CREBRF: variants seen among roughly 807,000 people sequenced by gnomAD.
The protein encoded by CREBRF is CREB3 regulatory factor.
A neutral mutation model predicts 66.1 loss-of-function variants in CREBRF; 5 were observed. The ratio of observed to expected loss-of-function variants is 0.08; its 90% confidence interval spans 0.04 to 0.16. The LOEUF (loss-of-function observed/expected upper bound fraction) is 0.16, where lower values mean the gene tolerates loss of function less well. Among genes scored for constraint, CREBRF ranks in the 10% least tolerant of loss-of-function variants. CREBRF has a pLI of 1.00. For missense variants in CREBRF, 531 were observed against 744.9 expected (o/e 0.71, Z 3.34); for synonymous variants, 229 against 264.4 (o/e 0.87, Z 1.30).
At chr5:173,091,934 A>G (rs889424839) in intron 4 of CREBRF, 1 of 310,470 alleles carries the variant, frequency 3.2e-6, no homozygotes, top group African/African-American at 2.3e-5. Context: ...AAAATACAAA[A>G]ATCAGATGTG....
chr5:173,083,838 C>T (rs1160094286), intron 2 of CREBRF, among the ~76,000 whole-genome samples: 1 of 152,148 alleles, frequency 6.6e-6, no homozygotes, highest in Non-Finnish European at 1.5e-5. Flanking sequence ...TTAATTGCTG[C>T]TCTATATTTT....
chr5:173,077,367 T>C (rs902209248), intron 1 of CREBRF, among the ~76,000 whole-genome samples: 4 of 152,170 alleles, frequency 2.6e-5, no homozygotes, highest in African/African-American at 9.7e-5. Flanking sequence ...CATTGAGAAG[T>C]GTTGTGTAAC....
intron 7 of CREBRF, among the ~76,000 whole-genome samples, chr5:173,117,579 C>CTCCT (rs1186370279): frequency 7.6e-5 from 3 of 39,634 alleles, no homozygotes; most frequent in East Asian, 4.8e-4. Flanking sequence ...CCCTCCCTCC[C>CTCCT]TCCTTCCTTC....
intron 8 of CREBRF, among the ~76,000 whole-genome samples, chr5:173,130,977 G>A (rs1230776907): frequency 2.6e-5 from 4 of 152,154 alleles, no homozygotes; most frequent in Non-Finnish European, 5.9e-5. Context: ...AAAGTGCTGG[G>A]ATTACGGGCA....
intron 3 of CREBRF, among the ~76,000 whole-genome samples, chr5:173,089,870 CATTGTTA>C (rs1395720684): frequency 6.6e-6 from 1 of 151,960 alleles, no homozygotes; most frequent in Non-Finnish European, 1.5e-5. Flanking sequence ...TTATTATTTT[CATTGTTA>C]ATATTTTAAA....
At chr5:173,098,804 C>G (rs1758541188) in intron 4 of CREBRF, among the ~76,000 whole-genome samples, 1 of 150,870 alleles carries the variant, frequency 6.6e-6, no homozygotes, top group Non-Finnish European at 1.5e-5. Flanking sequence ...TGTATACAAC[C>G]TCTTGATAAA....
At chr5:173,097,352 C>A (rs537454997) in intron 4 of CREBRF, among the ~76,000 whole-genome samples, 1 of 152,230 alleles carries the variant, frequency 6.6e-6, no homozygotes, top group African/African-American at 2.4e-5. Flanking sequence ...TTAAGTGATT[C>A]TCCTGCCTCA....
At chr5:173,117,580 T>TC (rs1759025851) in intron 7 of CREBRF, among the ~76,000 whole-genome samples, 1 of 33,820 alleles carries the variant, frequency 3.0e-5, no homozygotes. Context: ...CCTCCCTCCC[T>TC]CCTTCCTTCC....
At chr5:173,070,173 A>C (rs949374222) in intron 1 of CREBRF, among the ~76,000 whole-genome samples, 28 of 152,126 alleles carry the variant, frequency 1.8e-4, no homozygotes, top group African/African-American at 6.3e-4. Flanking sequence ...GATTATAGGC[A>C]GTGAACCACT....
At chr5:173,123,016 C>G (rs935949610) in intron 7 of CREBRF, 64 bp from the exon 8 acceptor site, 37 of 1,445,486 alleles carry the variant, frequency 2.6e-5, no homozygotes, top group Non-Finnish European at 3.4e-5. Context: ...TCTGTTATTA[C>G]ATAATTAAAA....
intron 1 of CREBRF, among the ~76,000 whole-genome samples, chr5:173,078,687 GT>G (rs1197018394): frequency 6.6e-6 from 1 of 151,428 alleles, no homozygotes; most frequent in African/African-American, 2.4e-5. Context: ...GCCTCCCAAA[GT>G]GCTGGTGAGT....
chr5:173,126,860 G>T (rs1759287118), intron 8 of CREBRF, among the ~76,000 whole-genome samples: 2 of 152,086 alleles, frequency 1.3e-5, no homozygotes, highest in African/African-American at 2.4e-5. Context: ...CCATTTAGTT[G>T]CTCTGTTTTT....
chr5:173,134,270 AT>A lies in CREBRF; in HGVS notation c.*526del, dbSNP rs1759537998. On this transcript the variant is annotated 3_prime_UTR_variant, in exon 9 of 9. Coordinates refer to ENST00000296953, the MANE Select transcript of CREBRF (RefSeq NM_153607.3). ...AGCTCAAGATGATATATATAAATAT[AT>A]ATATATATATATATATATACACACA... 1.4e-5 allele frequency: 2 copies of A among 140,560 alleles called. No individual in the cohort carries two copies. Among genetic ancestry groups the A allele is most frequent in the African/African-American group, 5.8e-5 (2 of 34,314 alleles). The allele number at this position is 140,560 out of a possible 1,614,324, so 8.7% of individuals were successfully genotyped here.
At chr5:173,086,076 A>G (rs750664542) in intron 2 of CREBRF, 41 of 857,314 alleles carry the variant, frequency 4.8e-5, no homozygotes, top group Admixed American at 1.2e-4. Flanking sequence ...TTCTCTACCA[A>G]TCATAACTGT....
chr5:173,100,725 C>T (rs919216248), intron 4 of CREBRF, among the ~76,000 whole-genome samples: 1 of 152,240 alleles, frequency 6.6e-6, no homozygotes, highest in African/African-American at 2.4e-5. Flanking sequence ...CGCTCCCCCC[C>T]AACCCATATG....
chr5:173,080,803 G>A lies in CREBRF; in HGVS notation c.9+19G>A, dbSNP rs186009045. 4 of 1,611,376 alleles carry A rather than the reference G, an allele frequency of 2.5e-6. No homozygotes were observed. Among genetic ancestry groups the A allele is most frequent in the Non-Finnish European group, 3.4e-6 (4 of 1,178,354 alleles). On this transcript the variant is annotated intron_variant, in intron 2 of 8. Transcript: ENST00000296953. ...GCCTCAGGTAAATCATACAGAGTAG[G>A]TGCAAAGTTTTTTATTTTCCCACTA... is the stretch of plus-strand genomic sequence containing the variant.
At position 173,139,080 on chromosome 5, in the gene CREBRF, T is replaced by G. The variant is rs929167401; in HGVS notation, c.*5335T>G. On this transcript the variant is annotated 3_prime_UTR_variant, in exon 9 of 9. Transcript: ENST00000296953. ...TCTCTTGTCTAGAAAGAACTTTATC[T>G]TGTTGACGCATGAGCTGTTTAAAAA... is the stretch of plus-strand genomic sequence containing the variant. The G allele has an allele frequency of 1.3e-5, 2 of 152,208 alleles. No individual in the cohort carries two copies. The highest frequency in any genetic ancestry group is 6.5e-5 in the Admixed American group (1 of 15,278). The allele number at this position is 152,208 out of a possible 1,614,324, so 9.4% of individuals were successfully genotyped here.
At chr5:173,080,360 G>A (rs1351457030) in intron 1 of CREBRF, among the ~76,000 whole-genome samples, 5 of 150,870 alleles carry the variant, frequency 3.3e-5, no homozygotes, top group African/African-American at 4.9e-5. Context: ...TTGCCAATTG[G>A]TTATTGACCA....
At chr5:173,067,139 T>G (rs142808861) in intron 1 of CREBRF, among the ~76,000 whole-genome samples, 1 of 152,348 alleles carries the variant, frequency 6.6e-6, no homozygotes, top group Non-Finnish European at 1.5e-5. Context: ...GCCTGAGCCT[T>G]TGTCATTGTA....
Sources: gnomAD v4.1 joint callset for allele counts (sites outside exome capture counted in the v4.1 genomes callset) on GRCh38, gnomAD v4.1.1 for gene constraint, MANE v1.5 for transcripts, NCBI Gene and HGNC (gene_info 2026-07-23, HGNC 2026-07-21) for gene names.